The following LSM6 variants were observed in gnomAD, a reference collection of about 807,000 sequenced individuals.
LSM6 encodes the protein LSM6 homolog, U6 small nuclear RNA and mRNA degradation associated, also known as U6 snRNA-associated Sm-like protein LSm6.
Under a neutral mutation model 13.5 loss-of-function variants are expected in LSM6, and 2 were observed. That is an observed-to-expected ratio of 0.15 (90% CI 0.06 to 0.47). The LOEUF (loss-of-function observed/expected upper bound fraction) is 0.47, where lower values mean the gene tolerates loss of function less well. LSM6 is among the 20% of genes least tolerant of loss of function. LSM6 has a pLI of 0.97. For synonymous variants in LSM6, 43 were observed against 34.9 expected (o/e 1.23, Z -0.82); for missense variants, 58 against 96.4 (o/e 0.60, Z 1.67).
intron 3 of LSM6, among the ~76,000 whole-genome samples, chr4:146,187,736 T>C (rs550505452): frequency 6.6e-6 from 1 of 152,338 alleles, no homozygotes; most frequent in African/African-American, 2.4e-5. Flanking sequence ...ACCGTTTCCC[T>C]GCTGTCTTTG....
At chr4:146,183,152 T>C (rs912546759) in intron 2 of LSM6, 137 bp downstream of exon 2, 4 of 579,862 alleles carry the variant, frequency 6.9e-6, no homozygotes, top group Non-Finnish European at 9.4e-6. Context: ...ATATATCTTT[T>C]TCTATCTCTG....
At chr4:146,185,735 T>A (rs1730334673) in intron 2 of LSM6, among the ~76,000 whole-genome samples, 1 of 151,702 alleles carries the variant, frequency 6.6e-6, no homozygotes, top group Non-Finnish European at 1.5e-5. Flanking sequence ...ACTCTTTTTT[T>A]TTTTTCTTTT....
At chr4:146,183,827 A>T (rs1407505651) in intron 2 of LSM6, among the ~76,000 whole-genome samples, 2 of 140,942 alleles carry the variant, frequency 1.4e-5, no homozygotes, top group African/African-American at 2.7e-5. Context: ...GGTTTCTGAG[A>T]TTTTGGTGCA....
Position 146,187,630 on chromosome 4 carries a change from A to G in LSM6, c.208+243A>G, listed in dbSNP as rs141723143. 1.7e-4 allele frequency: 64 copies of G among 369,314 alleles called. 1 individual carries two copies. In the Admixed American group the frequency reaches 1.9e-3, roughly 11 times the overall value. The allele number at this position is 369,314 out of a possible 1,614,324, so 22.9% of individuals were successfully genotyped here. On this transcript the variant is annotated intron_variant, in intron 3 of 3. Transcript: ENST00000296581. ...GGAACTGAGGGACATTGTTCTCCTTACCTGGAACCCTGCTTTCTCGAATAT... is the reference window on the plus strand; with the variant it reads ...GGAACTGAGGGACATTGTTCTCCTTGCCTGGAACCCTGCTTTCTCGAATAT...
chr4:146,180,458 T>G (rs1578677163), intron 1 of LSM6, among the ~76,000 whole-genome samples: 1 of 152,236 alleles, frequency 6.6e-6, no homozygotes, highest in Non-Finnish European at 1.5e-5. Flanking sequence ...AACATATCTG[T>G]GTTTATAAAA....
intron 1 of LSM6, chr4:146,180,905 A>G (rs934639720): frequency 6.6e-6 from 1 of 152,228 alleles, no homozygotes; most frequent in Non-Finnish European, 1.5e-5. Flanking sequence ...ATGAATGGGA[A>G]GATTTGTGTA....
At chr4:146,181,305 A>G (rs2110882065) in intron 1 of LSM6, 1 of 152,274 alleles carries the variant, frequency 6.6e-6, no homozygotes, top group East Asian at 1.9e-4. Context: ...AAATAAAATT[A>G]TTTTACTTAA....
At chr4:146,177,895 C>G (rs568493479) in intron 1 of LSM6, among the ~76,000 whole-genome samples, 5 of 152,232 alleles carry the variant, frequency 3.3e-5, no homozygotes, top group East Asian at 3.9e-4. Context: ...AGATGAGAAC[C>G]ATTTGCTTAT....
At chr4:146,182,123 T>C (rs1730245614) in intron 1 of LSM6, among the ~76,000 whole-genome samples, 1 of 152,198 alleles carries the variant, frequency 6.6e-6, no homozygotes, top group Admixed American at 6.5e-5. Context: ...TTTCTAGCTG[T>C]GTGACCTTGA....
chr4:146,184,926 C>A (rs554727312), intron 2 of LSM6, among the ~76,000 whole-genome samples: 38 of 152,230 alleles, frequency 2.5e-4, no homozygotes, highest in African/African-American at 8.2e-4. Flanking sequence ...GAGTCAACTA[C>A]ATGCAACCTG....
intron 2 of LSM6, among the ~76,000 whole-genome samples, chr4:146,184,857 A>G (rs1730310924): frequency 6.6e-6 from 1 of 152,226 alleles, no homozygotes. Context: ...CCCCAATGCT[A>G]CTATCCAGAG....
chr4:146,188,804 T>A (rs186465017), intron 3 of LSM6, among the ~76,000 whole-genome samples: 1 of 152,122 alleles, frequency 6.6e-6, no homozygotes, highest in African/African-American at 2.4e-5. Flanking sequence ...ATAAGGACTT[T>A]GGTATCATTA....
intron 1 of LSM6, chr4:146,176,671 ATAT>A (rs1237481555): frequency 6.6e-6 from 1 of 151,948 alleles, no homozygotes; most frequent in Non-Finnish European, 1.5e-5. Flanking sequence ...CTCTTCCTAA[ATAT>A]TATTCTAATT....
At position 146,189,883 on chromosome 4, in the gene LSM6, T is replaced by C. The variant is rs766154863; in HGVS notation, c.*227T>C. ...TTTACCTCGTTGTCAGTGTACAGAA[T>C]GCTAAAATAATTAAAAAAAGACAAA... On this transcript the variant is annotated 3_prime_UTR_variant, in exon 4 of 4. Transcript: ENST00000296581. The C allele has an allele frequency of 1.8e-5, 8 of 434,558 alleles. No individual in the cohort carries two copies. Among genetic ancestry groups the C allele is most frequent in the Non-Finnish European group, 3.2e-5 (8 of 246,412 alleles). 26.9% of individuals were successfully genotyped at this position (434,558 alleles called of 1,614,324 possible).
intron 3 of LSM6, among the ~76,000 whole-genome samples, chr4:146,188,656 C>T (rs896205877): frequency 8.5e-5 from 13 of 152,080 alleles, no homozygotes; most frequent in African/African-American, 3.1e-4. Flanking sequence ...CTAGTTTGGC[C>T]AAAGTGACCC....
chr4:146,185,248 T>C (rs574212350), intron 2 of LSM6, among the ~76,000 whole-genome samples: 3 of 152,192 alleles, frequency 2.0e-5, no homozygotes, highest in Non-Finnish European at 4.4e-5. Flanking sequence ...TCTCACCAAC[T>C]CTTGTATTAG....
intron 1 of LSM6, among the ~76,000 whole-genome samples, chr4:146,177,451 A>G (rs1316496224): frequency 3.3e-5 from 5 of 152,262 alleles, no homozygotes; most frequent in South Asian, 2.1e-4. Flanking sequence ...TAGAATGGCA[A>G]CCCCTTCAAG....
chr4:146,185,525 G>T (rs1017949342), intron 2 of LSM6, among the ~76,000 whole-genome samples: 1 of 132,488 alleles, frequency 7.5e-6, no homozygotes, highest in Non-Finnish European at 1.6e-5. Flanking sequence ...AAAAAAAAAA[G>T]AAAAACTCCA....
At chr4:146,187,237 C>T in intron 2 of LSM6, 37 bp from the exon 3 acceptor site, 1 of 1,189,622 alleles carries the variant, frequency 8.4e-7, no homozygotes, top group Non-Finnish European at 1.3e-6. Context: ...CTCTTATTTG[C>T]CTTGTGTATC....
Sources: gnomAD v4.1 joint callset for allele counts (sites outside exome capture counted in the v4.1 genomes callset) on GRCh38, gnomAD v4.1.1 for gene constraint, MANE v1.5 for transcripts, NCBI Gene and HGNC (gene_info 2026-07-23, HGNC 2026-07-21) for gene names.